The following EPCAM variants were observed in gnomAD, a reference collection of about 807,000 sequenced individuals.
EPCAM encodes the protein adenocarcinoma-associated antigen.
EPCAM carries 39 observed loss-of-function variants against 40.0 expected under a neutral mutation model. That is an observed-to-expected ratio of 0.98 (90% CI 0.76 to 1.27). The LOEUF (loss-of-function observed/expected upper bound fraction) is 1.27. Among genes scored for constraint, EPCAM ranks in the 50% most tolerant of loss-of-function variants. The probability of loss-of-function intolerance (pLI) is 0.00; values close to 1 mark genes in which losing one functional copy is unlikely to be tolerated. For missense variants in EPCAM, 503 were observed against 381.2 expected (o/e 1.32, Z -2.66); for synonymous variants, 168 against 132.3 (o/e 1.27, Z -1.85).
chr2:47,372,064 A>T (rs1385861029), intron 1 of EPCAM, among the ~76,000 whole-genome samples: 2 of 152,214 alleles, frequency 1.3e-5, no homozygotes, highest in East Asian at 3.8e-4. Flanking sequence ...TTAAGGACAA[A>T]ACTATTAAAC....
intron 1 of EPCAM, 178 bp downstream of exon 1, chr2:47,369,759 G>T: frequency 1.4e-6 from 1 of 733,470 alleles, no homozygotes; most frequent in Middle Eastern, 2.3e-4. Context: ...GGTAGGAAAC[G>T]GCGAGGGCCG....
intron 4 of EPCAM, among the ~76,000 whole-genome samples, chr2:47,376,142 C>T (rs1198143513): frequency 2.6e-5 from 4 of 151,992 alleles, no homozygotes; most frequent in African/African-American, 7.2e-5. Context: ...CTCTTAATAT[C>T]GAACAGTTTC....
chr2:47,380,936 A>G (rs1363795597), intron 7 of EPCAM, among the ~76,000 whole-genome samples: 1 of 151,448 alleles, frequency 6.6e-6, no homozygotes, highest in African/African-American at 2.4e-5. Context: ...TGAACATACA[A>G]AAAAATTAGC....
chr2:47,374,221 A>T (rs1448523666), intron 3 of EPCAM, among the ~76,000 whole-genome samples, 173 bp downstream of exon 3: 1 of 152,158 alleles, frequency 6.6e-6, no homozygotes, highest in Non-Finnish European at 1.5e-5. Context: ...ACCTCCACAG[A>T]ATTGATGTTA....
At chr2:47,376,058 A>G (rs1281218495) in intron 4 of EPCAM, among the ~76,000 whole-genome samples, 1 of 152,014 alleles carries the variant, frequency 6.6e-6, no homozygotes, top group African/African-American at 2.4e-5. Context: ...TGTCCTTTGT[A>G]GTAATTTTTC....
At position 47,377,091 on chromosome 2, in the gene EPCAM, A is replaced by G. The variant is rs373453367; in HGVS notation, c.555+14A>G. On this transcript the variant is annotated intron_variant, in intron 5 of 8. Coordinates refer to ENST00000263735, the MANE Select transcript of EPCAM (RefSeq NM_002354.3). ...ACGAGTATTTTGGTATGATTTTTTA[A>G]TAAGTGAGCTTTAGCAGACAGTTGG... is the stretch of plus-strand genomic sequence containing the variant. 8.4e-6 allele frequency: 13 copies of G among 1,555,942 alleles called. No individual in the cohort carries two copies. Among genetic ancestry groups the G allele is most frequent in the Non-Finnish European group, 1.1e-5 (12 of 1,127,030 alleles).
chr2:47,375,999 C>T (rs372065810), intron 4 of EPCAM, among the ~76,000 whole-genome samples: 14 of 152,078 alleles, frequency 9.2e-5, no homozygotes, highest in South Asian at 6.2e-4. Context: ...CTTCCGCGCC[C>T]GGCCAGGAAA....
In EPCAM at chr2:47,386,177, C is replaced by T. The variant is rs112149636; in HGVS notation, c.904-395C>T. Reference sequence around the variant, plus strand: ...TGTCATTATCATTGTCTCAGTTTGCCTGTAACTAGTTGTGTGATCTGAGAC... The same window carrying T: ...TGTCATTATCATTGTCTCAGTTTGCTTGTAACTAGTTGTGTGATCTGAGAC... On this transcript the variant is annotated intron_variant, in intron 8 of 8. Coordinates refer to ENST00000263735, the MANE Select transcript of EPCAM (RefSeq NM_002354.3). 3.6e-3 allele frequency among the ~76,000 whole-genome samples: 546 copies of T among 152,236 alleles called. 3 individuals are homozygous for T. The highest frequency in any genetic ancestry group is 0.013 in the African/African-American group (528 of 41,554).
At position 47,378,942 on chromosome 2, in the gene EPCAM, T is replaced by A; in HGVS notation, c.556-11T>A. ...TAGTATTAATTTGTATTATTCAATTTTTTTCCCCAGTATGAGAATAATGTT... is the reference window on the plus strand; with the variant it reads ...TAGTATTAATTTGTATTATTCAATTATTTTCCCCAGTATGAGAATAATGTT... On this transcript the variant is annotated splice_polypyrimidine_tract_variant and intron_variant, in intron 5 of 8. Coordinates refer to ENST00000263735, the MANE Select transcript of EPCAM (RefSeq NM_002354.3). 1 of 1,216,506 alleles carries A rather than the reference T, an allele frequency of 8.2e-7. No homozygotes were observed. The allele number at this position is 1,216,506 out of a possible 1,614,324, so 75.4% of individuals were successfully genotyped here. A position where few individuals can be genotyped will look rare whatever the true frequency, so the allele number is the denominator to read the frequency against.
Position 47,377,096 on chromosome 2 carries a change from T to G in EPCAM, c.555+19T>G, listed in dbSNP as rs1361408032. The G allele has an allele frequency of 6.6e-7, 1 of 1,525,810 alleles. No individual in the cohort carries two copies. Among genetic ancestry groups the G allele is most frequent in the African/African-American group, 1.4e-5 (1 of 73,290 alleles). 94.5% of individuals were successfully genotyped at this position (1,525,810 alleles called of 1,614,324 possible). ...TATTTTGGTATGATTTTTTAATAAG[T>G]GAGCTTTAGCAGACAGTTGGTGAGA... On this transcript the variant is annotated intron_variant, in intron 5 of 8. Coordinates refer to ENST00000263735, the MANE Select transcript of EPCAM (RefSeq NM_002354.3).
At chr2:47,369,656 G>A (rs1558432856) in intron 1 of EPCAM, 75 bp downstream of exon 1, 2 of 1,420,808 alleles carry the variant, frequency 1.4e-6, no homozygotes, top group Non-Finnish European at 9.7e-7. Context: ...CTCGGCCCCC[G>A]AAACGGGCAT....
Position 47,380,053 on chromosome 2 carries a change from C to T in EPCAM, c.858+84C>T, listed in dbSNP as rs1671548534. The T allele has an allele frequency of 3.9e-6, 6 of 1,545,850 alleles. 1 individual carries two copies. In the Admixed American group the frequency reaches 7.9e-5, roughly 20 times the overall value. ...AGTGGCTGGGCGCGGTGGCTCACCA[C>T]ACCTGTTATCCCTACACTTTGGGAG... On this transcript the variant is annotated intron_variant, in intron 7 of 8. Transcript: ENST00000263735.
chr2:47,372,360 G>A (rs768497769), intron 1 of EPCAM, among the ~76,000 whole-genome samples: 2 of 151,988 alleles, frequency 1.3e-5, no homozygotes, highest in East Asian at 1.9e-4. Flanking sequence ...GGTGACAGCC[G>A]GGCATGGTGG....
intron 7 of EPCAM, among the ~76,000 whole-genome samples, chr2:47,382,996 CT>C (rs879299944): frequency 1.5e-3 from 209 of 142,094 alleles, no homozygotes; most frequent in Middle Eastern, 3.6e-3. Context: ...AAATTTCTTT[CT>C]TTTTTTTTTT....
intron 6 of EPCAM, among the ~76,000 whole-genome samples, chr2:47,379,409 C>G (rs1350754041): frequency 4.6e-5 from 7 of 152,048 alleles, no homozygotes; most frequent in African/African-American, 1.7e-4. Flanking sequence ...TTTGTTGAAA[C>G]TTTAATATAT....
Position 47,369,592 on chromosome 2 carries a change from G to T in EPCAM, c.76+11G>T, listed in dbSNP as rs879135112. On this transcript the variant is annotated intron_variant, in intron 1 of 8. Coordinates refer to ENST00000263735, the MANE Select transcript of EPCAM (RefSeq NM_002354.3). The stretch of plus-strand genomic sequence containing the variant: ...CCGCAGCTCAGGAAGGTGAGGCGCG[G>T]ATTGGAGCAGAGTTGTGGAGCTGGG... The T allele has an allele frequency of 6.3e-7, 1 of 1,585,924 alleles. No homozygotes were observed. Among genetic ancestry groups the T allele is most frequent in the South Asian group, 1.2e-5 (1 of 86,812 alleles).
chr2:47,378,947 C>G lies in EPCAM; in HGVS notation c.556-6C>G. On this transcript the variant is annotated splice_region_variant and splice_polypyrimidine_tract_variant and intron_variant, in intron 5 of 8. Coordinates refer to ENST00000263735, the MANE Select transcript of EPCAM (RefSeq NM_002354.3). ...TTAATTTGTATTATTCAATTTTTTT[C>G]CCCAGTATGAGAATAATGTTATCAC... 7.7e-7 allele frequency: 1 copy of G among 1,295,572 alleles called. No individual in the cohort carries two copies. The highest frequency in any genetic ancestry group is 1.2e-5 in the South Asian group (1 of 83,942). The allele number at this position is 1,295,572 out of a possible 1,614,324, so 80.3% of individuals were successfully genotyped here. A position where few individuals can be genotyped will look rare whatever the true frequency, so the allele number is the denominator to read the frequency against.
rs1171352018 is a variant in EPCAM, at chr2:47,373,947, G to A, written c.324G>A (p.Lys108=). The A allele has an allele frequency of 1.2e-6, 2 of 1,613,998 alleles. No individual in the cohort carries two copies. Among genetic ancestry groups the A allele is most frequent in the African/African-American group, 2.7e-5 (2 of 74,908 alleles). ...DCDESGLFKA[K]QCNGTSMCWC... is the part of the protein sequence containing the mutation. ...ATGAGAGCGGGCTCTTTAAGGCCAA[G>A]CAGTGCAACGGCACCTCCATGTGCT... Residue 108 remains lysine, a synonymous_variant, in exon 3 of 9, where the codon AAG becomes AAA. Transcript: ENST00000263735.
chr2:47,370,595 A>G (rs983818108), intron 1 of EPCAM, among the ~76,000 whole-genome samples: 1 of 136,480 alleles, frequency 7.3e-6, no homozygotes, highest in Non-Finnish European at 1.6e-5. Context: ...TTTTATTTGA[A>G]ACAGCCTTGT....
Sources: allele counts gnomAD v4.1 joint callset (sites outside exome capture counted in the v4.1 genomes callset), GRCh38; gene constraint gnomAD v4.1.1; transcripts MANE v1.5; gene names NCBI Gene and HGNC (gene_info 2026-07-23, HGNC 2026-07-21).